Variants in NEDD4L observed in about 807,000 individuals in gnomAD.
NEDD4L encodes NEDD4 like E3 ubiquitin protein ligase, also known as E3 ubiquitin-protein ligase NEDD4-like.
A neutral mutation model predicts 148.9 loss-of-function variants in NEDD4L; 54 were observed. That is an observed-to-expected ratio of 0.36 (90% confidence interval 0.29 to 0.45). The LOEUF (loss-of-function observed/expected upper bound fraction) is 0.45. Ranked by LOEUF, NEDD4L falls within the 20% of genes least tolerant of loss-of-function variation. NEDD4L has a pLI of 1.00. For missense variants in NEDD4L, 856 were observed against 1,233.8 expected, an observed-to-expected ratio of 0.69 and a Z score of 4.59; for synonymous variants, 433 against 440.7, an observed-to-expected ratio of 0.98 and a Z score of 0.22.
At chr18:58,350,862 T>TCAATG in intron 17 of NEDD4L, 129 bp from the exon 18 acceptor site, 1 of 646,152 alleles carries the variant, frequency 1.5e-6, no homozygotes, top group South Asian at 2.1e-5. Flanking sequence ...TAGTTCACGC[T>TCAATG]CAATGCATAA....
intron 2 of NEDD4L, among the ~76,000 whole-genome samples, chr18:58,238,412 T>C (rs2046271411): frequency 6.6e-6 from 1 of 152,212 alleles, no homozygotes; most frequent in Non-Finnish European, 1.5e-5. Flanking sequence ...TTGATAACTT[T>C]TTTATACTCA....
At chr18:58,379,393 C>T (rs987299780) in intron 24 of NEDD4L, among the ~76,000 whole-genome samples, 9 of 152,224 alleles carry the variant, frequency 5.9e-5, no homozygotes, top group African/African-American at 9.6e-5. Flanking sequence ...GACACTGTCA[C>T]GGTACCACCC....
chr18:58,338,319 G>A (rs1005889958), intron 13 of NEDD4L, among the ~76,000 whole-genome samples: 1 of 152,182 alleles, frequency 6.6e-6, no homozygotes, highest in Non-Finnish European at 1.5e-5. Flanking sequence ...GCTTCCTGGC[G>A]GGCCCTTCCA....
Position 58,287,668 on chromosome 18 carries a change from A to G in NEDD4L, c.298-28314A>G, listed in dbSNP as rs998885997. On this transcript the variant is annotated intron_variant, in intron 5 of 30. Coordinates refer to ENST00000400345, the MANE Select transcript of NEDD4L (RefSeq NM_001144967.3). Reference sequence around the variant, plus strand: ...CGGTCTTACAGAGGTCTTATCACGCATATTTCCCTTTGCTTCCTTATGTAT... The same window carrying G: ...CGGTCTTACAGAGGTCTTATCACGCGTATTTCCCTTTGCTTCCTTATGTAT... Among the ~76,000 whole-genome samples the G allele has an allele frequency of 2.6e-5, 4 of 152,212 alleles. No homozygotes were observed. In the South Asian group the frequency reaches 6.2e-4, roughly 24 times the overall value.
chr18:58,229,738 G>A (rs1240646301), intron 2 of NEDD4L, among the ~76,000 whole-genome samples: 1 of 152,004 alleles, frequency 6.6e-6, no homozygotes, highest in Non-Finnish European at 1.5e-5. Flanking sequence ...ATGCCTGTAA[G>A]CCCAACACTT....
intron 16 of NEDD4L, among the ~76,000 whole-genome samples, chr18:58,345,916 G>GTTT (rs1361865139): frequency 1.4e-5 from 1 of 72,252 alleles, no homozygotes; most frequent in Non-Finnish European, 2.8e-5. Flanking sequence ...AATTTTTGTT[G>GTTT]TTTTTTGTTT....
chr18:58,360,670 A>G (rs376318626), intron 19 of NEDD4L, among the ~76,000 whole-genome samples: 10 of 151,930 alleles, frequency 6.6e-5, no homozygotes, highest in African/African-American at 2.2e-4. Context: ...TGGTCCTAGG[A>G]TCATTAAATC....
chr18:58,386,995 G>T (rs552659316), intron 26 of NEDD4L, among the ~76,000 whole-genome samples: 1 of 152,114 alleles, frequency 6.6e-6, no homozygotes, highest in Non-Finnish European at 1.5e-5. Context: ...TGGTACCTGG[G>T]AACTGGAGCA....
chr18:58,244,859 C>T (rs943887003), intron 2 of NEDD4L, among the ~76,000 whole-genome samples: 7 of 152,070 alleles, frequency 4.6e-5, no homozygotes, highest in Admixed American at 2.0e-4. Flanking sequence ...CCATGCCCAG[C>T]TGATTTTTGT....
intron 1 of NEDD4L, among the ~76,000 whole-genome samples, chr18:58,066,635 C>T (rs1373802492): frequency 6.7e-6 from 1 of 150,218 alleles, no homozygotes; most frequent in Non-Finnish European, 1.5e-5. Context: ...TTTTTACACT[C>T]CTATAACGAC....
At chr18:58,100,917 A>C (rs2084713519) in intron 1 of NEDD4L, among the ~76,000 whole-genome samples, 1 of 152,122 alleles carries the variant, frequency 6.6e-6, no homozygotes, top group African/African-American at 2.4e-5. Flanking sequence ...GTGACCCTCT[A>C]GCCTTGGCCT....
At chr18:58,115,360 A>G (rs923321333) in intron 1 of NEDD4L, among the ~76,000 whole-genome samples, 4 of 150,464 alleles carry the variant, frequency 2.7e-5, no homozygotes, top group Non-Finnish European at 5.9e-5. Context: ...AAGCAGTCCT[A>G]GGGGAGATGC....
intron 2 of NEDD4L, among the ~76,000 whole-genome samples, chr18:58,242,805 C>T (rs144820122): frequency 1.2e-3 from 186 of 152,260 alleles, no homozygotes; most frequent in African/African-American, 4.0e-3. Context: ...TGCGCCTAAC[C>T]CTCTCCTCCC....
At chr18:58,092,228 C>T (rs1467032315) in intron 1 of NEDD4L, among the ~76,000 whole-genome samples, 2 of 152,202 alleles carry the variant, frequency 1.3e-5, no homozygotes, top group African/African-American at 4.8e-5. Context: ...GAATTGGCAA[C>T]GTCGGAGATA....
chr18:58,108,567 T>A (rs1009519754), intron 1 of NEDD4L, among the ~76,000 whole-genome samples: 1 of 152,110 alleles, frequency 6.6e-6, no homozygotes, highest in African/African-American at 2.4e-5. Context: ...ATTTTAGGCA[T>A]CCGCCACCAC....
At chr18:58,217,027 G>A (rs187385696) in intron 2 of NEDD4L, among the ~76,000 whole-genome samples, 15 of 152,314 alleles carry the variant, frequency 9.8e-5, no homozygotes, top group Admixed American at 2.6e-4. Context: ...GAGGTACATC[G>A]TATTGTGTTT....
At position 58,232,275 on chromosome 18, in the gene NEDD4L, A is replaced by G. The variant is rs371352334; in HGVS notation, c.123-13152A>G. On this transcript the variant is annotated intron_variant, in intron 2 of 30. Coordinates refer to ENST00000400345, the MANE Select transcript of NEDD4L (RefSeq NM_001144967.3). ...CCAGTCTAACACACACAGTAACTTA[A>G]GAGAGGATTTTAAAAAATCAAAATG... is the stretch of plus-strand genomic sequence containing the variant. Among the ~76,000 whole-genome samples, 16 of 152,218 alleles carry G rather than the reference A, an allele frequency of 1.1e-4. No homozygotes were observed. In the East Asian group the frequency reaches 1.2e-3, roughly 11 times the overall value.
intron 5 of NEDD4L, among the ~76,000 whole-genome samples, chr18:58,266,001 AGAAAAAT>A (rs2050167126): frequency 6.6e-6 from 1 of 152,134 alleles, no homozygotes; most frequent in South Asian, 2.1e-4. Flanking sequence ...CATTTATGTA[AGAAAAAT>A]GCTAATCTGT....
rs72331379 is a variant in NEDD4L at position 58,082,079 on chromosome 18, AAT to A, written c.48+37394_48+37395del. ...TTTTTATTCTAATTGCTTTCTGATG[AAT>A]ATATATATATATATATATATATTTT... On this transcript the variant is annotated intron_variant, in intron 1 of 30. Coordinates refer to ENST00000400345, the MANE Select transcript of NEDD4L (RefSeq NM_001144967.3). Among the ~76,000 whole-genome samples the A allele has an allele frequency of 4.4e-3, 397 of 89,928 alleles. 22 individuals carry two copies. Among genetic ancestry groups the A allele is most frequent in the Middle Eastern group, 0.032 (4 of 126 alleles). The allele number at this position is 89,928 out of a possible 152,430, so 59.0% of individuals were successfully genotyped here.
Sources: allele counts gnomAD v4.1 joint callset (sites outside exome capture counted in the v4.1 genomes callset), GRCh38; gene constraint gnomAD v4.1.1; transcripts MANE v1.5; gene names NCBI Gene and HGNC (gene_info 2026-07-23, HGNC 2026-07-21).